CRYM: variants seen among roughly 807,000 people sequenced by gnomAD.
CRYM encodes the protein ketimine reductase mu-crystallin.
CRYM carries 18 observed loss-of-function variants against 32.9 expected under a neutral mutation model. That is an observed-to-expected ratio of 0.55 (90% CI 0.38 to 0.81). The LOEUF (loss-of-function observed/expected upper bound fraction) is 0.81. CRYM is among the 30% of genes least tolerant of loss of function. CRYM has a pLI of 0.00. For synonymous variants in CRYM, 153 were observed against 152.4 expected (o/e 1.00, Z -0.03); for missense variants, 337 against 393.5 (o/e 0.86, Z 1.21).
chr16:21,292,383 C>G (rs1322782057), intron 1 of CRYM, among the ~76,000 whole-genome samples: 1 of 152,046 alleles, frequency 6.6e-6, no homozygotes, highest in Admixed American at 6.5e-5. Context: ...AGTACCTGTA[C>G]ACTGAAGACT....
At chr16:21,290,140 A>C (rs1960593203) in intron 1 of CRYM, among the ~76,000 whole-genome samples, 1 of 152,164 alleles carries the variant, frequency 6.6e-6, no homozygotes, top group Middle Eastern at 3.2e-3. Flanking sequence ...CACCAGAGCC[A>C]GCAGTGGCAA....
intron 4 of CRYM, 151 bp downstream of exon 4, chr16:21,269,639 G>C (rs551954551): frequency 8.6e-5 from 53 of 617,854 alleles, no homozygotes; most frequent in Non-Finnish European, 1.3e-4. Context: ...CCTCCATCAG[G>C]GCTTCTGGGA....
chr16:21,264,322 C>G (rs1453281262), intron 5 of CRYM, among the ~76,000 whole-genome samples: 1 of 152,194 alleles, frequency 6.6e-6, no homozygotes, highest in Non-Finnish European at 1.5e-5. Context: ...GGACTATTTC[C>G]CCTGCACAAC....
intron 7 of CRYM, among the ~76,000 whole-genome samples, chr16:21,260,392 C>T (rs1032301209): frequency 1.3e-5 from 2 of 152,064 alleles, no homozygotes; most frequent in African/African-American, 4.8e-5. Context: ...CTCCACCTTC[C>T]GGGTTCAAGT....
chr16:21,295,771 A>G (rs968664390), intron 1 of CRYM, among the ~76,000 whole-genome samples: 3 of 152,068 alleles, frequency 2.0e-5, no homozygotes, highest in African/African-American at 7.2e-5. Flanking sequence ...TGTCTTTACT[A>G]AAAATACAAA....
At chr16:21,271,233 G>A (rs2093374840) in intron 3 of CRYM, among the ~76,000 whole-genome samples, 1 of 152,132 alleles carries the variant, frequency 6.6e-6, no homozygotes, top group East Asian at 1.9e-4. Flanking sequence ...AACTAAAAAC[G>A]TCTGCACACT....
chr16:21,290,414 T>G (rs1392547437), intron 1 of CRYM, among the ~76,000 whole-genome samples: 1 of 151,984 alleles, frequency 6.6e-6, no homozygotes, highest in Non-Finnish European at 1.5e-5. Context: ...ACAAACCCAC[T>G]GGAAGGAAGA....
At chr16:21,275,630 C>G in intron 2 of CRYM, 36 bp from the exon 3 acceptor site, 2 of 1,518,588 alleles carry the variant, frequency 1.3e-6, no homozygotes, top group Non-Finnish European at 1.8e-6. Context: ...CAAGGGGAAC[C>G]CCTGTCCACT....
chr16:21,272,287 C>G (rs1485329159), intron 3 of CRYM, among the ~76,000 whole-genome samples: 1 of 152,166 alleles, frequency 6.6e-6, no homozygotes, highest in Non-Finnish European at 1.5e-5. Flanking sequence ...TTTAAAGAGT[C>G]TGAAAGTCTG....
intron 1 of CRYM, among the ~76,000 whole-genome samples, chr16:21,295,336 G>C (rs181705195): frequency 6.6e-6 from 1 of 152,086 alleles, no homozygotes; most frequent in Non-Finnish European, 1.5e-5. Context: ...CAGCATCTGT[G>C]GTTTCTTGAC....
intron 3 of CRYM, among the ~76,000 whole-genome samples, chr16:21,271,584 T>C (rs2093375423): frequency 6.6e-6 from 1 of 152,236 alleles, no homozygotes; most frequent in Non-Finnish European, 1.5e-5. Context: ...TTAACGTCTC[T>C]GATTTGAAAA....
chr16:21,259,089 A>C (rs1242927351), intron 7 of CRYM, among the ~76,000 whole-genome samples: 1 of 148,710 alleles, frequency 6.7e-6, no homozygotes, highest in Non-Finnish European at 1.5e-5. Flanking sequence ...GGCTGAGCAA[A>C]TTTTTTTTTT....
intron 1 of CRYM, chr16:21,301,001 C>G (rs1459377715): frequency 1.5e-5 from 1 of 67,694 alleles, no homozygotes; most frequent in East Asian, 4.6e-4. Context: ...AGAACCGTCC[C>G]GGACAGAAGC....
chr16:21,260,608 T>A (rs929236481), intron 7 of CRYM, among the ~76,000 whole-genome samples: 1 of 152,266 alleles, frequency 6.6e-6, no homozygotes, highest in African/African-American at 2.4e-5. Flanking sequence ...CCTGTTCCCA[T>A]GTACTTCTGT....
intron 1 of CRYM, among the ~76,000 whole-genome samples, chr16:21,287,379 C>T (rs1467754795): frequency 2.0e-5 from 3 of 152,194 alleles, no homozygotes; most frequent in Non-Finnish European, 2.9e-5. Flanking sequence ...TCCCTTGTTC[C>T]TGGCACAGAG....
Position 21,290,173 on chromosome 16 carries a change from T to A in CRYM, c.-192-11213A>T, listed in dbSNP as rs556274911. Among the ~76,000 whole-genome samples the A allele has an allele frequency of 9.9e-5, 15 of 152,238 alleles. No individual in the cohort carries two copies. The East Asian group carries it at 2.5e-3, about 26-fold the overall frequency. ...CAATGTCGGATCCCCTTCCATGCTG[T>A]GGGAACTTTTTTCTTTTGCTGTTCA... is the stretch of plus-strand genomic sequence containing the variant. On this transcript the variant is annotated intron_variant, in intron 1 of 9. Coordinates refer to the CRYM transcript ENST00000219599.
At chr16:21,268,049 A>G (rs2152862092) in intron 4 of CRYM, among the ~76,000 whole-genome samples, 1 of 152,384 alleles carries the variant, frequency 6.6e-6, no homozygotes, top group South Asian at 2.1e-4. Flanking sequence ...TATTAATAGC[A>G]TAATGATTAG....
At chr16:21,284,259 G>A (rs1411647267) in intron 1 of CRYM, among the ~76,000 whole-genome samples, 1 of 151,968 alleles carries the variant, frequency 6.6e-6, no homozygotes, top group Non-Finnish European at 1.5e-5. Flanking sequence ...CATCAGTAAT[G>A]CAGAAATAAC....
intron 2 of CRYM, among the ~76,000 whole-genome samples, chr16:21,276,187 T>A (rs1385472462): frequency 6.6e-6 from 1 of 152,178 alleles, no homozygotes; most frequent in Non-Finnish European, 1.5e-5. Flanking sequence ...TGCACTCCTC[T>A]CCCTGTTATT....
Sources: gnomAD v4.1 joint callset for allele counts (sites outside exome capture counted in the v4.1 genomes callset) on GRCh38, gnomAD v4.1.1 for gene constraint, MANE v1.5 for transcripts, NCBI Gene and HGNC (gene_info 2026-07-23, HGNC 2026-07-21) for gene names.